Variants in IMPACT observed in about 807,000 individuals in gnomAD.
IMPACT encodes protein IMPACT.
A neutral mutation model predicts 47.5 loss-of-function variants in IMPACT; 35 were observed. The observed-to-expected ratio is 0.74, with a 90% CI of 0.56 to 0.98. The LOEUF (loss-of-function observed/expected upper bound fraction) is 0.98. Ranked by LOEUF, IMPACT falls within the 50% of genes least tolerant of loss-of-function variation. The pLI, the probability that IMPACT is intolerant of heterozygous loss-of-function variation, is 0.00. For synonymous variants in IMPACT, 118 were observed against 125.6 expected, an observed-to-expected ratio of 0.94 and a Z score of 0.40; for missense variants, 373 against 394.8, an observed-to-expected ratio of 0.94 and a Z score of 0.47.
Position 24,426,714 on chromosome 18 carries a change from C to G in IMPACT, c.-43C>G. 8.1e-7 allele frequency: 1 copy of G among 1,240,110 alleles called. No homozygotes were observed. The allele number at this position is 1,240,110 out of a possible 1,614,324, so 76.8% of individuals were successfully genotyped here. ...GCCGCAGCGCCCCGCCCCCGCGCTCCGGACCTGGCAGGCGGCGGCTGCAGG... is the reference window on the plus strand; with the variant it reads ...GCCGCAGCGCCCCGCCCCCGCGCTCGGGACCTGGCAGGCGGCGGCTGCAGG... On this transcript the variant is annotated 5_prime_UTR_variant, in exon 1 of 11. Coordinates refer to ENST00000284202, the MANE Select transcript of IMPACT (RefSeq NM_018439.4).
rs1555666476 is a variant in IMPACT, at chr18:24,434,776, A to AATATATATATAT, written c.282-3170_282-3159dup. ...AAAACTCTGTCTCAAAAAAAAAAAA[A>AATATATATATAT]ATATATATATATATATATATGTGTG... On this transcript the variant is annotated intron_variant, in intron 4 of 10. Transcript: ENST00000284202. Among the ~76,000 whole-genome samples, 6 of 113,998 alleles carry AATATATATATAT rather than the reference A, an allele frequency of 5.3e-5. 1 individual carries two copies. The highest frequency in any genetic ancestry group is 2.4e-4 in the East Asian group (1 of 4,088). 74.8% of individuals were successfully genotyped at this position (113,998 alleles called of 152,430 possible). A position where few individuals can be genotyped will look rare whatever the true frequency, so the allele number is the denominator to read the frequency against.
Position 24,451,711 on chromosome 18 carries a change from T to C in IMPACT, c.*864T>C, listed in dbSNP as rs1909392323. 3 of 152,158 alleles carry C rather than the reference T, an allele frequency of 2.0e-5. No individual in the cohort carries two copies. The highest frequency in any genetic ancestry group is 7.2e-5 in the African/African-American group (3 of 41,442). 9.4% of individuals were successfully genotyped at this position (152,158 alleles called of 1,614,324 possible). ...TAGGCTGTGGCAAATGGGACATTCG[T>C]AGAGTGGGATAGAGGTGGCAGAATG... On this transcript the variant is annotated 3_prime_UTR_variant, in exon 11 of 11. Transcript: ENST00000284202.
intron 7 of IMPACT, among the ~76,000 whole-genome samples, chr18:24,444,362 C>T (rs1383462179): frequency 6.6e-6 from 1 of 152,164 alleles, no homozygotes; most frequent in African/African-American, 2.4e-5. Flanking sequence ...AAATGATAAA[C>T]AGAAGATTGC....
chr18:24,432,397 T>G (rs1371708140), intron 4 of IMPACT, among the ~76,000 whole-genome samples: 1 of 152,208 alleles, frequency 6.6e-6, no homozygotes, highest in Non-Finnish European at 1.5e-5. Context: ...GGCCACTCCA[T>G]TTGGTACAGT....
Position 24,448,077 on chromosome 18 carries a change from T to C in IMPACT, c.669-16T>C, listed in dbSNP as rs755420575. ...ATTTTAGTTTCAAAGTGTAATACTC[T>C]TACATGTATTTGCAGAATATATTGT... On this transcript the variant is annotated splice_polypyrimidine_tract_variant and intron_variant, in intron 8 of 10. Coordinates refer to ENST00000284202, the MANE Select transcript of IMPACT (RefSeq NM_018439.4). 3.4e-6 allele frequency: 5 copies of C among 1,490,642 alleles called. No individual in the cohort carries two copies. The highest frequency in any genetic ancestry group is 4.7e-6 in the Non-Finnish European group (5 of 1,068,246). 92.3% of individuals were successfully genotyped at this position (1,490,642 alleles called of 1,614,324 possible). A position where few individuals can be genotyped will look rare whatever the true frequency, so the allele number is the denominator to read the frequency against.
In IMPACT at chr18:24,449,968, G is replaced by C. The variant is rs201665504; in HGVS notation, c.894+15G>C. ...CAAATTCACCTGTAAGTGGCTCTTC[G>C]TACTACATCTAGAGAATTTCTCATC... On this transcript the variant is annotated intron_variant, in intron 10 of 10. Transcript: ENST00000284202. 6.2e-7 allele frequency: 1 copy of C among 1,611,456 alleles called. No homozygotes were observed. Among genetic ancestry groups the C allele is most frequent in the Admixed American group, 1.7e-5 (1 of 59,868 alleles).
Position 24,426,693 on chromosome 18 carries a change from C to T in IMPACT, c.-64C>T. On this transcript the variant is annotated 5_prime_UTR_variant, in exon 1 of 11. Transcript: ENST00000284202. ...GCAGCCAGCTCTCGGCTCGCAGCCG[C>T]AGCGCCCCGCCCCCGCGCTCCGGAC... 2 of 1,182,258 alleles carry T rather than the reference C, an allele frequency of 1.7e-6. No homozygotes were observed. Among genetic ancestry groups the T allele is most frequent in the Non-Finnish European group, 2.1e-6 (2 of 941,052 alleles). 73.2% of individuals were successfully genotyped at this position (1,182,258 alleles called of 1,614,324 possible).
chr18:24,448,621 C>T (rs1436261035), intron 9 of IMPACT, among the ~76,000 whole-genome samples: 2 of 151,338 alleles, frequency 1.3e-5, no homozygotes, highest in Admixed American at 1.3e-4. Context: ...TCCAAAATTT[C>T]TGTTGAATTT....
chr18:24,451,987 A>C lies in IMPACT; in HGVS notation c.*1140A>C, dbSNP rs1008710428. The stretch of plus-strand genomic sequence containing the variant: ...AATTTACCTTTGAGATATAACAATA[A>C]GTGATTAACTGTTCACTTTCAGATG... On this transcript the variant is annotated 3_prime_UTR_variant, in exon 11 of 11. Transcript: ENST00000284202. The C allele has an allele frequency of 1.3e-5, 2 of 152,124 alleles. No individual in the cohort carries two copies. The highest frequency in any genetic ancestry group is 2.4e-5 in the African/African-American group (1 of 41,412). The allele number at this position is 152,124 out of a possible 1,614,324, so 9.4% of individuals were successfully genotyped here.
intron 4 of IMPACT, among the ~76,000 whole-genome samples, chr18:24,436,476 G>C (rs1248350036): frequency 6.6e-6 from 1 of 151,416 alleles, no homozygotes; most frequent in African/African-American, 2.4e-5. Flanking sequence ...CAAACTCTTG[G>C]TTTTAAGCTA....
chr18:24,443,026 TAA>T, intron 6 of IMPACT, 21 bp from the exon 7 acceptor site: 1 of 1,319,766 alleles, frequency 7.6e-7, no homozygotes, highest in Non-Finnish European at 1.1e-6. Flanking sequence ...TTTTAAAAAA[TAA>T]AGTTTCTTTT....
At chr18:24,437,888 A>G (rs1390333838) in intron 4 of IMPACT, 67 bp from the exon 5 acceptor site, 2 of 776,186 alleles carry the variant, frequency 2.6e-6, no homozygotes, top group African/African-American at 1.7e-5. Context: ...AAATGTCTGT[A>G]TCTTCTTGAA....
intron 1 of IMPACT, 61 bp downstream of exon 1, chr18:24,426,853 GTCC>G (rs1397054310): frequency 1.7e-6 from 2 of 1,170,850 alleles, no homozygotes; most frequent in African/African-American, 1.6e-5. Context: ...CGCCATGCCA[GTCC>G]TCCTCAGCCG....
chr18:24,429,967 C>T (rs1177775133), intron 3 of IMPACT, among the ~76,000 whole-genome samples: 23 of 152,076 alleles, frequency 1.5e-4, no homozygotes, highest in Admixed American at 1.4e-3. Context: ...TTAGTAGAGA[C>T]GGGGTTTCGC....
chr18:24,445,855 T>C (rs990232551), intron 8 of IMPACT, among the ~76,000 whole-genome samples: 4 of 152,154 alleles, frequency 2.6e-5, no homozygotes, highest in African/African-American at 9.7e-5. Context: ...ACCATTTCCT[T>C]TTAGTTTTTC....
At chr18:24,438,079 T>A (rs761102492) in intron 5 of IMPACT, 39 bp downstream of exon 5, 1 of 891,914 alleles carries the variant, frequency 1.1e-6, no homozygotes, top group East Asian at 2.5e-5. Context: ...TTTTAACTTA[T>A]AATAACTACA....
chr18:24,444,030 A>G (rs1193298320), intron 7 of IMPACT, among the ~76,000 whole-genome samples: 1 of 152,198 alleles, frequency 6.6e-6, no homozygotes, highest in Non-Finnish European at 1.5e-5. Context: ...CTTCAGGGAT[A>G]CAGCTCTTTG....
chr18:24,449,880 G>C lies in IMPACT; in HGVS notation c.821G>C (p.Gly274Ala). Reference sequence around the variant, plus strand: ...CGCTGGTATGGAGGGATTCTGCTAGGACCAGATCGCTTTAAACATATCAAC... The same window carrying C: ...CGCTGGTATGGAGGGATTCTGCTAGCACCAGATCGCTTTAAACATATCAAC... ...VSRWYGGILL[G>A]PDRFKHINNC... The change falls in exon 10 of 11, where the codon GGA (glycine) becomes GCA (alanine). Residue 274 changes from glycine to alanine, a missense_variant. Transcript: ENST00000284202. 1 of 1,613,212 alleles carries C rather than the reference G, an allele frequency of 6.2e-7. No individual in the cohort carries two copies. Among genetic ancestry groups the C allele is most frequent in the Non-Finnish European group, 8.5e-7 (1 of 1,179,374 alleles).
intron 4 of IMPACT, among the ~76,000 whole-genome samples, chr18:24,434,324 ACT>A (rs1287827303): frequency 6.6e-6 from 1 of 152,018 alleles, no homozygotes; most frequent in Non-Finnish European, 1.5e-5. Flanking sequence ...ATAGAGTGAG[ACT>A]CTGTCTCAAA....
Sources: gnomAD v4.1 joint callset for allele counts (sites outside exome capture counted in the v4.1 genomes callset) on GRCh38, gnomAD v4.1.1 for gene constraint, MANE v1.5 for transcripts, NCBI Gene and HGNC (gene_info 2026-07-23, HGNC 2026-07-21) for gene names.